Variants in GPX6 observed in about 807,000 individuals in gnomAD.
GPX6 encodes glutathione peroxidase 6 (olfactory).
GPX6 carries 21 observed loss-of-function variants against 20.0 expected under a neutral mutation model. That is an observed-to-expected ratio of 1.05 (90% CI 0.74 to 1.51). GPX6 has a LOEUF of 1.51. Ranked by LOEUF, GPX6 falls within the 40% of genes most tolerant of loss-of-function variation. The pLI is 0.00. For missense variants in GPX6, 233 were observed against 254.7 expected, an observed-to-expected ratio of 0.91 and a Z score of 0.58; for synonymous variants, 75 against 98.0, an observed-to-expected ratio of 0.77 and a Z score of 1.38.
intron 1 of GPX6, among the ~76,000 whole-genome samples, chr6:28,513,443 CGGG>C (rs1762952760): frequency 6.6e-6 from 1 of 152,128 alleles, no homozygotes; most frequent in Non-Finnish European, 1.5e-5. Flanking sequence ...GTTTGAGCGG[CGGG>C]GAACTGAAGC....
chr6:28,513,285 C>G (rs1027398792), intron 1 of GPX6, among the ~76,000 whole-genome samples: 2 of 152,194 alleles, frequency 1.3e-5, no homozygotes, highest in African/African-American at 4.8e-5. Context: ...GGAGCTAACA[C>G]AAGCTGCCTA....
intron 1 of GPX6, among the ~76,000 whole-genome samples, chr6:28,512,632 G>C: frequency 6.6e-6 from 1 of 152,306 alleles, no homozygotes; most frequent in East Asian, 1.9e-4. Context: ...AGCAGTGGCA[G>C]CCCCCGTGGG....
intron 2 of GPX6, among the ~76,000 whole-genome samples, chr6:28,507,981 G>C (rs1762822837): frequency 6.6e-6 from 1 of 152,226 alleles, no homozygotes; most frequent in Non-Finnish European, 1.5e-5. Flanking sequence ...TTGAGAGAAA[G>C]AAAGTGAGAG....
At position 28,505,750 on chromosome 6, in the gene GPX6, C is replaced by G; in HGVS notation, c.412G>C (p.Gly138Arg). 1 of 1,614,046 alleles carries G rather than the reference C, an allele frequency of 6.2e-7. No homozygotes were observed. The highest frequency in any genetic ancestry group is 8.5e-7 in the Non-Finnish European group (1 of 1,179,910). ...TGTTCTTTTTCTCCATTCACATCCC[C>G]TTTCTCAAAGAGCTGGAAACTGGGG... ...FVPSFQLFEK[G>R]DVNGEKEQKV... Residue 138 changes from glycine to arginine, a missense_variant, in exon 4 of 5, where the codon GGG becomes CGG. By Grantham distance (125) the Gly-to-Arg change is moderately radical (BLOSUM62 -2). Transcript: ENST00000361902.
At chr6:28,512,801 A>G (rs936395217) in intron 1 of GPX6, among the ~76,000 whole-genome samples, 1 of 152,090 alleles carries the variant, frequency 6.6e-6, no homozygotes, top group Non-Finnish European at 1.5e-5. Flanking sequence ...ACCCACCGGG[A>G]GGAATGAACA....
chr6:28,509,740 C>CA (rs1762842247), intron 2 of GPX6, among the ~76,000 whole-genome samples: 1 of 152,122 alleles, frequency 6.6e-6, no homozygotes, highest in African/African-American at 2.4e-5. Flanking sequence ...AACTCTTCTC[C>CA]AATAAGGGCA....
At chr6:28,509,092 G>A (rs1159277915) in intron 2 of GPX6, among the ~76,000 whole-genome samples, 4 of 152,142 alleles carry the variant, frequency 2.6e-5, no homozygotes, top group Non-Finnish European at 4.4e-5. Context: ...TTGACTTTAA[G>A]TGTTACTTAA....
Position 28,506,223 on chromosome 6 carries a change from C to T in GPX6, c.359+89G>A, listed in dbSNP as rs974908905. ...CAACCCATGTATCTATGGCCTATCCCAGAAGTTTCCAGAATAGGCAGGCAT... is the reference window on the plus strand; with the variant it reads ...CAACCCATGTATCTATGGCCTATCCTAGAAGTTTCCAGAATAGGCAGGCAT... On this transcript the variant is annotated intron_variant, in intron 3 of 4. Coordinates refer to ENST00000361902, the MANE Select transcript of GPX6 (RefSeq NM_182701.1). 3.2e-5 allele frequency: 26 copies of T among 807,188 alleles called. No homozygotes were observed. In the Admixed American group the frequency reaches 4.3e-4, roughly 13 times the overall value. The allele number at this position is 807,188 out of a possible 1,614,324, so 50.0% of individuals were successfully genotyped here. A position where few individuals can be genotyped will look rare whatever the true frequency, so the allele number is the denominator to read the frequency against.
chr6:28,512,781 G>A (rs903659614), intron 1 of GPX6, among the ~76,000 whole-genome samples: 1 of 152,000 alleles, frequency 6.6e-6, no homozygotes, highest in Non-Finnish European at 1.5e-5. Context: ...TGAAGCCAGC[G>A]AGACCACGAA....
Position 28,515,789 on chromosome 6 carries a change from C to T in GPX6, c.-46G>A. The stretch of plus-strand genomic sequence containing the variant: ...TCTGAGGTCCCCAGGATTTCAGCCC[C>T]TTTTGAGCCCCTGGCAGGGACCAAT... On this transcript the variant is annotated 5_prime_UTR_variant, in exon 1 of 5. Coordinates refer to ENST00000361902, the MANE Select transcript of GPX6 (RefSeq NM_182701.1). The T allele has an allele frequency of 6.6e-7, 1 of 1,518,140 alleles. No individual in the cohort carries two copies. Among genetic ancestry groups the T allele is most frequent in the South Asian group, 1.1e-5 (1 of 89,008 alleles). 94.0% of individuals were successfully genotyped at this position (1,518,140 alleles called of 1,614,324 possible). A position where few individuals can be genotyped will look rare whatever the true frequency, so the allele number is the denominator to read the frequency against.
At chr6:28,506,706 AACAC>A (rs56155284) in intron 2 of GPX6, among the ~76,000 whole-genome samples, 133 of 145,144 alleles carry the variant, frequency 9.2e-4, no homozygotes, top group South Asian at 2.0e-3. Context: ...TTTTTTTTTA[AACAC>A]ACACACACAC....
At chr6:28,509,405 A>C (rs538428300) in intron 2 of GPX6, among the ~76,000 whole-genome samples, 12 of 151,412 alleles carry the variant, frequency 7.9e-5, no homozygotes, top group Admixed American at 7.9e-4. Context: ...ATAGTGGTGC[A>C]TGCCTGTAAT....
Position 28,504,583 on chromosome 6 carries a change from TAG to T in GPX6, c.460-87_460-86del. ...GTGTGGTACAGTTTTATCTCCAGACTAGAGAGTCTACTCACCATTATGTATTT... is the reference window on the plus strand; with the variant it reads ...GTGTGGTACAGTTTTATCTCCAGACTAGAGTCTACTCACCATTATGTATTT... On this transcript the variant is annotated intron_variant, in intron 4 of 4. Transcript: ENST00000361902. The T allele has an allele frequency of 7.6e-6, 9 of 1,176,508 alleles. No individual in the cohort carries two copies. The South Asian group carries it at 1.3e-4, about 17-fold the overall frequency. The allele number at this position is 1,176,508 out of a possible 1,614,324, so 72.9% of individuals were successfully genotyped here. A position where few individuals can be genotyped will look rare whatever the true frequency, so the allele number is the denominator to read the frequency against.
chr6:28,512,679 C>T (rs941642538), intron 1 of GPX6, among the ~76,000 whole-genome samples: 3 of 152,194 alleles, frequency 2.0e-5, no homozygotes, highest in Non-Finnish European at 4.4e-5. Flanking sequence ...TTCTTTCGCT[C>T]TTTGCAATAA....
At chr6:28,512,820 C>T (rs745340117) in intron 1 of GPX6, among the ~76,000 whole-genome samples, 47 of 151,928 alleles carry the variant, frequency 3.1e-4, no homozygotes, top group Admixed American at 1.2e-3. Context: ...CAACTCCAGA[C>T]GCGCTGCCTT....
Position 28,512,645 on chromosome 6 carries a change from C to T in GPX6, c.88-1741G>A, listed in dbSNP as rs868177295. Among the ~76,000 whole-genome samples, 23 of 152,302 alleles carry T rather than the reference C, an allele frequency of 1.5e-4. 1 individual carries two copies. Among genetic ancestry groups the T allele is most frequent in the Admixed American group, 1.3e-4 (2 of 15,306 alleles). On this transcript the variant is annotated intron_variant, in intron 1 of 4. Transcript: ENST00000361902. ...CCAGCAGTGGCAGCCCCCGTGGGTC[C>T]CCTTCCACACTGTGGGAGCTTTGTT...
chr6:28,512,303 T>C (rs1028363862), intron 1 of GPX6, among the ~76,000 whole-genome samples: 2 of 152,174 alleles, frequency 1.3e-5, no homozygotes, highest in African/African-American at 4.8e-5. Flanking sequence ...GGATTGTAAA[T>C]ACACCAATCG....
chr6:28,512,969 T>G (rs1271175262), intron 1 of GPX6, among the ~76,000 whole-genome samples: 2 of 151,944 alleles, frequency 1.3e-5, no homozygotes, highest in African/African-American at 4.8e-5. Context: ...GAACAAATTC[T>G]GGACACGCTG....
rs1171433124 is a variant in GPX6 at position 28,503,648 on chromosome 6, G to A, written c.*644C>T. The A allele has an allele frequency of 6.6e-6, 1 of 152,530 alleles. No individual in the cohort carries two copies. Among genetic ancestry groups the A allele is most frequent in the Non-Finnish European group, 1.5e-5 (1 of 68,362 alleles). The allele number at this position is 152,530 out of a possible 1,614,324, so 9.4% of individuals were successfully genotyped here. On this transcript the variant is annotated 3_prime_UTR_variant, in exon 5 of 5. Transcript: ENST00000361902. The stretch of plus-strand genomic sequence containing the variant: ...CAGGGTGCGACCCAGAGGGGTTTTG[G>A]GATCCACCATCATGGAGATGCCCTT...
Sources: gnomAD v4.1 joint callset for allele counts (sites outside exome capture counted in the v4.1 genomes callset) on GRCh38, gnomAD v4.1.1 for gene constraint, MANE v1.5 for transcripts, NCBI Gene and HGNC (gene_info 2026-07-23, HGNC 2026-07-21) for gene names.